FOXP2: variants seen among roughly 807,000 people sequenced by gnomAD.
The protein encoded by FOXP2 is forkhead box P2.
In FOXP2, 12 loss-of-function variants were observed where a neutral mutation model predicts 115.8. The ratio of observed to expected loss-of-function variants is 0.10; its 90% CI spans 0.07 to 0.17. The LOEUF is 0.17. FOXP2 is among the 10% of genes least tolerant of loss of function. FOXP2 has a pLI of 1.00. For missense variants in FOXP2, 629 were observed against 843.5 expected, an observed-to-expected ratio of 0.75 and a Z score of 3.15; for synonymous variants, 328 against 297.7, an observed-to-expected ratio of 1.10 and a Z score of -1.05.
At chr7:114,211,929 T>G (rs1435457862) in intron 1 of FOXP2, among the ~76,000 whole-genome samples, 1 of 151,904 alleles carries the variant, frequency 6.6e-6, no homozygotes, top group East Asian at 1.9e-4. Flanking sequence ...AAAAATTAGC[T>G]GGACGTAGTG....
intron 1 of FOXP2, among the ~76,000 whole-genome samples, chr7:114,266,544 T>C (rs1038675727): frequency 6.6e-6 from 1 of 152,084 alleles, no homozygotes; most frequent in African/African-American, 2.4e-5. Flanking sequence ...CACACACTTA[T>C]AAGCCACCAG....
At chr7:114,489,017 C>T (rs1584798399) in intron 2 of FOXP2, among the ~76,000 whole-genome samples, 1 of 152,178 alleles carries the variant, frequency 6.6e-6, no homozygotes, top group East Asian at 1.9e-4. Flanking sequence ...GTTACTCCAC[C>T]TGCAAAAACA....
intron 1 of FOXP2, among the ~76,000 whole-genome samples, chr7:114,266,296 C>A (rs554980305): frequency 6.6e-6 from 1 of 152,196 alleles, no homozygotes; most frequent in South Asian, 2.1e-4. Flanking sequence ...CTCCTGGTGC[C>A]AATGTTCTCT....
At chr7:114,540,434 G>A (rs1322388848) in intron 3 of FOXP2, among the ~76,000 whole-genome samples, 1 of 151,984 alleles carries the variant, frequency 6.6e-6, no homozygotes, top group Non-Finnish European at 1.5e-5. Context: ...GTGCTGAGTG[G>A]AGCAAAGGAG....
intron 2 of FOXP2, among the ~76,000 whole-genome samples, chr7:114,350,502 G>A (rs1791458681): frequency 6.6e-6 from 1 of 152,096 alleles, no homozygotes; most frequent in Non-Finnish European, 1.5e-5. Context: ...TGTCTTTAAT[G>A]TAACTTGCAG....
At chr7:114,514,054 A>G (rs1314963150) in intron 2 of FOXP2, among the ~76,000 whole-genome samples, 2 of 150,778 alleles carry the variant, frequency 1.3e-5, no homozygotes, top group Non-Finnish European at 3.0e-5. Context: ...TATCACTAAC[A>G]TTTTTAAAAT....
At chr7:114,614,983 G>A (rs1242394231) in intron 3 of FOXP2, among the ~76,000 whole-genome samples, 1 of 152,088 alleles carries the variant, frequency 6.6e-6, no homozygotes, top group African/African-American at 2.4e-5. Context: ...TACTTTAGGA[G>A]GCCGAGGCGG....
At chr7:114,269,188 T>C (rs764075323) in intron 1 of FOXP2, among the ~76,000 whole-genome samples, 3 of 152,150 alleles carry the variant, frequency 2.0e-5, no homozygotes, top group Non-Finnish European at 4.4e-5. Context: ...CATGAAGGTA[T>C]ATAGCAGGAG....
chr7:114,423,077 G>A (rs1051816881), intron 1 of FOXP2, among the ~76,000 whole-genome samples: 1 of 151,676 alleles, frequency 6.6e-6, no homozygotes, highest in South Asian at 2.1e-4. Context: ...TGCAAGAAAT[G>A]GCATGAATTG....
chr7:114,573,953 C>T (rs1416135042), intron 3 of FOXP2, among the ~76,000 whole-genome samples: 4 of 151,736 alleles, frequency 2.6e-5, no homozygotes, highest in Non-Finnish European at 5.9e-5. Context: ...ACTAGCAAAA[C>T]GTGCAATAAA....
At chr7:114,107,247 T>C (rs1267413820) in intron 1 of FOXP2, among the ~76,000 whole-genome samples, 1 of 152,014 alleles carries the variant, frequency 6.6e-6, no homozygotes, top group East Asian at 1.9e-4. Flanking sequence ...TCTGTTTTTA[T>C]AAACAAGGCT....
intron 1 of FOXP2, among the ~76,000 whole-genome samples, chr7:114,182,590 T>C (rs1793485581): frequency 6.6e-6 from 1 of 151,930 alleles, no homozygotes. Flanking sequence ...GTAAATGAAT[T>C]GAATATAAAC....
chr7:114,338,738 G>C (rs1307921659), intron 2 of FOXP2, among the ~76,000 whole-genome samples: 1 of 127,976 alleles, frequency 7.8e-6, no homozygotes, highest in African/African-American at 2.8e-5. Context: ...CTGAGTTCTT[G>C]TCAAGATGTT....
intron 2 of FOXP2, among the ~76,000 whole-genome samples, chr7:114,482,538 A>G (rs1328951933): frequency 6.6e-6 from 1 of 151,548 alleles, no homozygotes. Context: ...CACGAAGAAA[A>G]AAAGAATACA....
At chr7:114,532,945 T>C (rs1355276247) in intron 2 of FOXP2, among the ~76,000 whole-genome samples, 1 of 151,990 alleles carries the variant, frequency 6.6e-6, no homozygotes, top group Non-Finnish European at 1.5e-5. Flanking sequence ...TTATTTAGAA[T>C]ATTGAATAAA....
At chr7:114,625,007 T>C (rs1804472606) in intron 3 of FOXP2, among the ~76,000 whole-genome samples, 1 of 151,618 alleles carries the variant, frequency 6.6e-6, no homozygotes, top group African/African-American at 2.4e-5. Context: ...AAACCTATCT[T>C]TATATTCAGT....
chr7:114,136,398 A>G (rs1584499827), intron 1 of FOXP2, among the ~76,000 whole-genome samples: 1 of 152,124 alleles, frequency 6.6e-6, no homozygotes, highest in South Asian at 2.1e-4. Flanking sequence ...GATTAATTTG[A>G]TTTTCAGAAT....
chr7:114,554,208 G>A (rs959972806), intron 3 of FOXP2, among the ~76,000 whole-genome samples: 3 of 152,084 alleles, frequency 2.0e-5, no homozygotes, highest in Non-Finnish European at 4.4e-5. Flanking sequence ...AACATTAGAT[G>A]TATGGATTAC....
rs552117663 is a variant in FOXP2, at chr7:114,578,551, T to G, written c.258+43845T>G. Among the ~76,000 whole-genome samples, 11 of 152,256 alleles carry G rather than the reference T, an allele frequency of 7.2e-5. No homozygotes were observed. In the East Asian group the frequency reaches 2.1e-3, roughly 29 times the overall value. Reference sequence around the variant, plus strand: ...ACAGTTCTTTAGTCTTGACTCATGGTTCATATGTATTAATTTTGCCAGGCC... The same window carrying G: ...ACAGTTCTTTAGTCTTGACTCATGGGTCATATGTATTAATTTTGCCAGGCC... On this transcript the variant is annotated intron_variant, in intron 3 of 16. Coordinates refer to ENST00000350908, the MANE Select transcript of FOXP2 (RefSeq NM_014491.4).
Sources: allele counts gnomAD v4.1 joint callset (sites outside exome capture counted in the v4.1 genomes callset), GRCh38; gene constraint gnomAD v4.1.1; transcripts MANE v1.5; gene names NCBI Gene and HGNC (gene_info 2026-07-23, HGNC 2026-07-21).